The following TPTE2 variants were observed in gnomAD, a reference collection of about 807,000 sequenced individuals.
TPTE2 encodes the protein transmembrane phosphoinositide 3-phosphatase and tensin homolog 2.
TPTE2 carries 53 observed loss-of-function variants against 78.6 expected under a neutral mutation model. The observed-to-expected ratio is 0.67, with a 90% CI of 0.54 to 0.85. TPTE2 has a LOEUF of 0.85. TPTE2 is among the 40% of genes least tolerant of loss of function. The pLI, the probability that TPTE2 is intolerant of heterozygous loss-of-function variation, is 0.00. For missense variants in TPTE2, 461 were observed against 623.0 expected (o/e 0.74, Z 2.77); for synonymous variants, 175 against 206.2 (o/e 0.85, Z 1.30).
chr13:19,473,443 T>C (rs1314426083), intron 6 of TPTE2, among the ~76,000 whole-genome samples: 2 of 152,044 alleles, frequency 1.3e-5, no homozygotes, highest in Non-Finnish European at 2.9e-5. Context: ...TCCCACTCTT[T>C]CCACCCCTGT....
chr13:19,444,217 G>A (rs1442505075), intron 13 of TPTE2, among the ~76,000 whole-genome samples: 2 of 147,490 alleles, frequency 1.4e-5, no homozygotes. Flanking sequence ...GATATAGGAG[G>A]ATCACCTGAG....
chr13:19,519,552 T>G (rs1237328134), intron 1 of TPTE2, among the ~76,000 whole-genome samples: 1 of 152,200 alleles, frequency 6.6e-6, no homozygotes, highest in Non-Finnish European at 1.5e-5. Context: ...TTCCACTCAA[T>G]AGTCTTGGTA....
At chr13:19,424,155 G>T (rs1311175341) in intron 19 of TPTE2, among the ~76,000 whole-genome samples, 1 of 152,140 alleles carries the variant, frequency 6.6e-6, no homozygotes, top group Non-Finnish European at 1.5e-5. Flanking sequence ...ATCAATTCAT[G>T]CCACATATAA....
intron 4 of TPTE2, among the ~76,000 whole-genome samples, chr13:19,479,960 C>CAA (rs751162446): frequency 4.5e-5 from 3 of 66,872 alleles, no homozygotes; most frequent in African/African-American, 5.3e-5. Context: ...GACTCCGGCT[C>CAA]AAAAAAAAAA....
chr13:19,526,753 C>CAA (rs34982579), intron 1 of TPTE2, among the ~76,000 whole-genome samples: 3 of 151,438 alleles, frequency 2.0e-5, no homozygotes, highest in African/African-American at 2.4e-5. Context: ...AATGTGCATA[C>CAA]AAAAAAAACT....
chr13:19,507,170 G>A (rs1167041477), upstream of TPTE2, among the ~76,000 whole-genome samples: 5 of 152,020 alleles, frequency 3.3e-5, no homozygotes, highest in Admixed American at 3.3e-4. Flanking sequence ...TCATGGGATA[G>A]TGATATCACT....
chr13:19,457,572 G>C (rs2137545815), intron 10 of TPTE2, among the ~76,000 whole-genome samples: 1 of 151,350 alleles, frequency 6.6e-6, no homozygotes, highest in Admixed American at 6.6e-5. Context: ...CCCATTGTGT[G>C]CTCATGTGTT....
chr13:19,549,005 A>G, the TPTE2 span, among the ~76,000 whole-genome samples: 3 of 151,872 alleles, frequency 2.0e-5, no homozygotes, highest in Admixed American at 1.3e-4. Flanking sequence ...CCTGTATCCC[A>G]GCTACTTGGG....
chr13:19,424,643 A>C (rs1286199437), intron 19 of TPTE2, among the ~76,000 whole-genome samples: 2 of 152,148 alleles, frequency 1.3e-5, no homozygotes, highest in Admixed American at 6.5e-5. Context: ...TGCTGAGCAG[A>C]CTCATATTGA....
chr13:19,509,263 A>C (rs1339879453), intron 1 of TPTE2, among the ~76,000 whole-genome samples: 2 of 152,202 alleles, frequency 1.3e-5, no homozygotes, highest in Non-Finnish European at 2.9e-5. Flanking sequence ...GTAATAAGGA[A>C]GCAAAACATA....
intron 1 of TPTE2, among the ~76,000 whole-genome samples, chr13:19,511,682 C>A (rs1869453490): frequency 6.6e-6 from 1 of 151,872 alleles, no homozygotes; most frequent in Non-Finnish European, 1.5e-5. Flanking sequence ...TTAGGGGGTC[C>A]CACTGGCCAA....
intron 6 of TPTE2, among the ~76,000 whole-genome samples, chr13:19,467,736 G>C (rs1418567686): frequency 6.6e-6 from 1 of 151,946 alleles, no homozygotes; most frequent in Non-Finnish European, 1.5e-5. Context: ...AGTTATTGTT[G>C]ACTATGGTCA....
intron 18 of TPTE2, 146 bp downstream of exon 21, chr13:19,426,279 C>G: frequency 1.6e-6 from 1 of 631,236 alleles, no homozygotes; most frequent in Non-Finnish European, 2.9e-6. Flanking sequence ...ATTACATACG[C>G]TCTTTTAAAA....
chr13:19,452,327 G>GAATCAAT (rs1427091078), intron 10 of TPTE2, among the ~76,000 whole-genome samples: 2 of 152,000 alleles, frequency 1.3e-5, no homozygotes, highest in Non-Finnish European at 2.9e-5. Flanking sequence ...TTGAATCAAT[G>GAATCAAT]GAAGATCAAT....
intron 15 of TPTE2, among the ~76,000 whole-genome samples, chr13:19,435,439 G>T (rs1877001722): frequency 6.6e-6 from 1 of 152,096 alleles, no homozygotes; most frequent in Non-Finnish European, 1.5e-5. Flanking sequence ...TGGGGTTGAG[G>T]GGTGTGAGTG....
At chr13:19,549,292 T>A in the TPTE2 span, among the ~76,000 whole-genome samples, 3 of 151,914 alleles carry the variant, frequency 2.0e-5, no homozygotes, top group East Asian at 5.8e-4. Context: ...AATCTATAAC[T>A]CAAACAACTG....
At chr13:19,471,943 T>C (rs961042981) in intron 6 of TPTE2, among the ~76,000 whole-genome samples, 6 of 152,198 alleles carry the variant, frequency 3.9e-5, no homozygotes, top group Admixed American at 1.3e-4. Flanking sequence ...CTGGATACAC[T>C]GTTCTAGGGT....
chr13:19,543,160 C>T, the TPTE2 span, among the ~76,000 whole-genome samples: 3 of 151,942 alleles, frequency 2.0e-5, no homozygotes, highest in Admixed American at 6.6e-5. Context: ...TGGGCTCCAG[C>T]GATCGTCCCA....
At chr13:19,530,148 T>G (rs1870775587) in intron 1 of TPTE2, among the ~76,000 whole-genome samples, 1 of 152,230 alleles carries the variant, frequency 6.6e-6, no homozygotes, top group Non-Finnish European at 1.5e-5. Flanking sequence ...ACTTCACTAT[T>G]GGAGTCTGCT....
Sources: gnomAD v4.1 joint callset for allele counts (sites outside exome capture counted in the v4.1 genomes callset) on GRCh38, gnomAD v4.1.1 for gene constraint, MANE v1.5 for transcripts, NCBI Gene and HGNC (gene_info 2026-07-23, HGNC 2026-07-21) for gene names.